The following ME3 variants were observed in gnomAD, a reference collection of about 807,000 sequenced individuals.
ME3 encodes malic enzyme 3.
Under a neutral mutation model 68.9 loss-of-function variants are expected in ME3, and 48 were observed. That is an observed-to-expected ratio of 0.70 (90% CI 0.55 to 0.89). The LOEUF (loss-of-function observed/expected upper bound fraction) is 0.89. ME3 is among the 40% of genes least tolerant of loss of function. The pLI, the probability that ME3 is intolerant of heterozygous loss-of-function variation, is 0.00. For missense variants in ME3, 675 were observed against 797.4 expected (o/e 0.85, Z 1.85); for synonymous variants, 320 against 318.8 (o/e 1.00, Z -0.04).
chr11:86,629,559 G>A (rs577525580), intron 2 of ME3, among the ~76,000 whole-genome samples: 19 of 152,134 alleles, frequency 1.2e-4, no homozygotes, highest in Non-Finnish European at 5.9e-5. Context: ...ACTGTATGAA[G>A]ATAAAACTAC....
rs187474560 is a variant in ME3 at position 86,564,404 on chromosome 11, G to A, written c.184-4581C>T. Among the ~76,000 whole-genome samples, 12 of 143,724 alleles carry A rather than the reference G, an allele frequency of 8.3e-5. No individual in the cohort carries two copies. The East Asian group carries it at 1.2e-3, about 14-fold the overall frequency. The allele number at this position is 143,724 out of a possible 152,430, so 94.3% of individuals were successfully genotyped here. A position where few individuals can be genotyped will look rare whatever the true frequency, so the allele number is the denominator to read the frequency against. On this transcript the variant is annotated intron_variant, in intron 2 of 14. Coordinates refer to ENST00000543262, the Ensembl canonical transcript of ME3. ...TTCACATGGACTAGCAAGGGACCCCGAACAGCCAAAATCTTTTTTTTTAAA... is the reference window on the plus strand; with the variant it reads ...TTCACATGGACTAGCAAGGGACCCCAAACAGCCAAAATCTTTTTTTTTAAA...
chr11:86,567,255 G>A (rs111686277), intron 2 of ME3, among the ~76,000 whole-genome samples: 11 of 83,140 alleles, frequency 1.3e-4, no homozygotes, highest in Admixed American at 2.5e-4. Flanking sequence ...AGGAAGGAAG[G>A]AAGGAAGGAA....
rs186418296 is a variant in ME3, at chr11:86,458,824, C to T, written c.919+6267G>A. Among the ~76,000 whole-genome samples the T allele has an allele frequency of 3.1e-4, 47 of 152,272 alleles. No individual in the cohort carries two copies. The East Asian group carries it at 8.3e-3, about 27-fold the overall frequency. On this transcript the variant is annotated intron_variant, in intron 8 of 14. Coordinates refer to ENST00000543262, the Ensembl canonical transcript of ME3. ...TTGTAAACAAGACAAACGAGCTGCA[C>T]GGTCTTCAGAGATGAGCCAGCCATT...
At chr11:86,546,353 A>C (rs906641056) in intron 4 of ME3, among the ~76,000 whole-genome samples, 7 of 152,234 alleles carry the variant, frequency 4.6e-5, no homozygotes, top group Admixed American at 4.6e-4. Flanking sequence ...ACAGCAAAAG[A>C]AACTGTCATC....
At chr11:86,521,450 A>G (rs182104053) in intron 4 of ME3, among the ~76,000 whole-genome samples, 5 of 137,718 alleles carry the variant, frequency 3.6e-5, no homozygotes, top group Non-Finnish European at 8.0e-5. Flanking sequence ...TAATAATAAT[A>G]ATAAAAAAAT....
At chr11:86,650,693 C>G (rs942192776) in intron 2 of ME3, among the ~76,000 whole-genome samples, 1 of 152,210 alleles carries the variant, frequency 6.6e-6, no homozygotes, top group African/African-American at 2.4e-5. Flanking sequence ...ATGATTTATG[C>G]ATTTCCAACT....
intron 8 of ME3, among the ~76,000 whole-genome samples, chr11:86,455,410 A>G (rs1281691684): frequency 6.6e-6 from 1 of 152,272 alleles, no homozygotes; most frequent in Non-Finnish European, 1.5e-5. Flanking sequence ...GTAACAAAAT[A>G]GACCAAGCTC....
At chr11:86,640,351 T>G (rs1180915061) in intron 2 of ME3, among the ~76,000 whole-genome samples, 1 of 152,220 alleles carries the variant, frequency 6.6e-6, no homozygotes, top group Non-Finnish European at 1.5e-5. Context: ...AGGCAGCCTC[T>G]GACTTTTATT....
intron 8 of ME3, among the ~76,000 whole-genome samples, chr11:86,455,930 A>G (rs1290552800): frequency 6.6e-6 from 1 of 152,056 alleles, no homozygotes; most frequent in Non-Finnish European, 1.5e-5. Flanking sequence ...GCATTGTATG[A>G]CCCTCTTCTG....
exon 5 of ME3, chr11:86,508,803 C>T (rs1953281812): frequency 1.2e-6 from 2 of 1,611,982 alleles, no homozygotes; most frequent in Non-Finnish European, 1.7e-6. Context: ...TTAATATTGT[C>T]TTCTGGCCAA....
At chr11:86,631,471 T>C (rs1944011230) in intron 2 of ME3, among the ~76,000 whole-genome samples, 1 of 152,090 alleles carries the variant, frequency 6.6e-6, no homozygotes, top group Admixed American at 6.5e-5. Context: ...AAGAAAACCG[T>C]GGGCAATGAA....
Position 86,645,096 on chromosome 11 carries a change from C to T in ME3, c.183+26666G>A, listed in dbSNP as rs570575511. 2.0e-5 allele frequency among the ~76,000 whole-genome samples: 3 copies of T among 152,338 alleles called. No individual in the cohort carries two copies. The East Asian group carries it at 5.8e-4, about 29-fold the overall frequency. On this transcript the variant is annotated intron_variant, in intron 2 of 14. Coordinates refer to ENST00000543262, the Ensembl canonical transcript of ME3. ...CAGGAGATTCCCTCGGGTGCCTACA[C>T]CACCAGGGCCCCAGGTTTCAAGCAC...
At position 86,511,712 on chromosome 11, in the gene ME3, G is replaced by A. The variant is rs145308689; in HGVS notation, c.468-2845C>T. 1.3e-4 allele frequency among the ~76,000 whole-genome samples: 20 copies of A among 152,276 alleles called. No individual in the cohort carries two copies. In the East Asian group the frequency reaches 2.5e-3, roughly 19 times the overall value. On this transcript the variant is annotated intron_variant, in intron 4 of 14. Transcript: ENST00000543262. ...AGGGCCTGACCTCTGCTGAAATGTA[G>A]GCATAGTTTCTATAATCCCTTACTG...
At position 86,553,635 on chromosome 11, in the gene ME3, C is replaced by T. The variant is rs534495927; in HGVS notation, c.467+2918G>A. On this transcript the variant is annotated intron_variant, in intron 4 of 14. Transcript: ENST00000543262. Reference sequence around the variant, plus strand: ...CATCTGAAGAAGGGTTTGTGCACAACGTATTCGAGAAGTCTGAACCAAGAG... The same window carrying T: ...CATCTGAAGAAGGGTTTGTGCACAATGTATTCGAGAAGTCTGAACCAAGAG... Among the ~76,000 whole-genome samples, 56 of 152,282 alleles carry T rather than the reference C, an allele frequency of 3.7e-4. No homozygotes were observed. The South Asian group carries it at 0.011, about 29-fold the overall frequency.
At chr11:86,607,016 G>T (rs1187424734) in intron 2 of ME3, among the ~76,000 whole-genome samples, 15 of 152,126 alleles carry the variant, frequency 9.9e-5, no homozygotes, top group Admixed American at 9.8e-4. Flanking sequence ...TAAACCAACA[G>T]CCTGATTTTC....
Position 86,641,873 on chromosome 11 carries a change from CTCTT to C in ME3, c.183+29885_183+29888del, listed in dbSNP as rs545726540. On this transcript the variant is annotated intron_variant, in intron 2 of 14. Coordinates refer to ENST00000543262, the Ensembl canonical transcript of ME3. Reference sequence around the variant, plus strand: ...GTTCCTGATGCTATTAAAACTTCACCTCTTTTTTTAAAAAAAAACTTTAAACAGC... The same window carrying C: ...GTTCCTGATGCTATTAAAACTTCACCTTTTTAAAAAAAAACTTTAAACAGC... 4.3e-4 allele frequency among the ~76,000 whole-genome samples: 65 copies of C among 152,244 alleles called. 1 individual carries two copies. Among genetic ancestry groups the C allele is most frequent in the Admixed American group, 3.6e-3 (55 of 15,296 alleles).
chr11:86,559,538 T>C (rs1957096277), intron 3 of ME3, 152 bp downstream of exon 3: 1 of 909,692 alleles, frequency 1.1e-6, no homozygotes, highest in Non-Finnish European at 1.6e-6. Flanking sequence ...AGGGAGACCA[T>C]GAATCCTTTA....
chr11:86,515,409 G>A (rs1234614583), intron 4 of ME3, among the ~76,000 whole-genome samples: 2 of 152,108 alleles, frequency 1.3e-5, no homozygotes, highest in African/African-American at 2.4e-5. Flanking sequence ...GGTGAGATTA[G>A]AACACAGGGC....
Position 86,553,731 on chromosome 11 carries a change from C to G in ME3, c.467+2822G>C, listed in dbSNP as rs1384320207. ...CCTCAAGCTCACTCAGCTGCAGGCC[C>G]CCGGACCCTGCTGGATCAATTCCTC... On this transcript the variant is annotated intron_variant, in intron 4 of 14. Coordinates refer to ENST00000543262, the Ensembl canonical transcript of ME3. Among the ~76,000 whole-genome samples the G allele has an allele frequency of 1.3e-5, 2 of 152,192 alleles. 1 individual carries two copies. Among genetic ancestry groups the G allele is most frequent in the East Asian group, 3.8e-4 (2 of 5,200 alleles).
Sources: gnomAD v4.1 joint callset for allele counts (sites outside exome capture counted in the v4.1 genomes callset) on GRCh38, gnomAD v4.1.1 for gene constraint, MANE v1.5 for transcripts, NCBI Gene and HGNC (gene_info 2026-07-23, HGNC 2026-07-21) for gene names.